The following ACTR3C variants were observed in gnomAD, a reference collection of about 807,000 sequenced individuals.
The protein encoded by ACTR3C is actin-related protein 3C.
ACTR3C carries 18 observed loss-of-function variants against 26.3 expected under a neutral mutation model. The ratio of observed to expected loss-of-function variants is 0.68; its 90% CI spans 0.47 to 1.01. The LOEUF (loss-of-function observed/expected upper bound fraction) is 1.01, where lower values mean the gene tolerates loss of function less well. ACTR3C is among the 50% of genes least tolerant of loss of function. The pLI, the probability that ACTR3C is intolerant of heterozygous loss-of-function variation, is 0.00. For synonymous variants in ACTR3C, 55 were observed against 94.5 expected (o/e 0.58, Z 2.42); for missense variants, 184 against 250.7 (o/e 0.73, Z 1.80).
chr7:150,240,276 G>C (rs867147356), downstream of ACTR3C, among the ~76,000 whole-genome samples: 1 of 152,150 alleles, frequency 6.6e-6, no homozygotes, highest in South Asian at 2.1e-4. Context: ...AAACATCACT[G>C]CTATCTTGTT....
the ACTR3C span, among the ~76,000 whole-genome samples, chr7:150,198,932 G>A: frequency 6.9e-6 from 1 of 144,036 alleles, no homozygotes; most frequent in Non-Finnish European, 1.5e-5. Flanking sequence ...GAGGGAGGTG[G>A]GGGGGTCAGC....
the ACTR3C span, among the ~76,000 whole-genome samples, chr7:149,905,999 A>G: frequency 2.0e-5 from 3 of 152,230 alleles, no homozygotes; most frequent in Admixed American, 6.5e-5. Flanking sequence ...ACCATTTTAT[A>G]TAACAGAGAA....
chr7:150,301,789 G>A (rs899301454), intron 1 of ACTR3C, among the ~76,000 whole-genome samples: 5 of 151,318 alleles, frequency 3.3e-5, no homozygotes, highest in African/African-American at 1.2e-4. Flanking sequence ...AATACTATAT[G>A]ATTCCATTTA....
At chr7:150,194,213 C>T in the ACTR3C span, among the ~76,000 whole-genome samples, 43 of 147,334 alleles carry the variant, frequency 2.9e-4, 1 homozygote, top group African/African-American at 1.1e-3. Flanking sequence ...CTATTTGCTT[C>T]TGATAATTTT....
At chr7:150,140,322 T>A in the ACTR3C span, among the ~76,000 whole-genome samples, 1 of 152,208 alleles carries the variant, frequency 6.6e-6, no homozygotes, top group Non-Finnish European at 1.5e-5. Context: ...ATGTGACCAA[T>A]GTGTTTTTGT....
At chr7:150,051,132 C>A in the ACTR3C span, among the ~76,000 whole-genome samples, 1 of 146,008 alleles carries the variant, frequency 6.8e-6, no homozygotes, top group Admixed American at 7.0e-5. Context: ...ATGTTCTATA[C>A]CTCGTGTGTA....
the ACTR3C span, among the ~76,000 whole-genome samples, chr7:149,895,595 G>C: frequency 1.3e-4 from 19 of 151,986 alleles, no homozygotes; most frequent in African/African-American, 4.6e-4. Context: ...AGAGACTCAC[G>C]AGGCTAAGGC....
At chr7:149,902,950 AAAG>A in the ACTR3C span, among the ~76,000 whole-genome samples, 1 of 26,720 alleles carries the variant, frequency 3.7e-5, no homozygotes, top group African/African-American at 5.3e-5. Context: ...AAAAAAAAAA[AAAG>A]AAAGAAAGAG....
the ACTR3C span, among the ~76,000 whole-genome samples, chr7:149,946,789 C>T: frequency 6.6e-6 from 1 of 152,178 alleles, no homozygotes; most frequent in Non-Finnish European, 1.5e-5. Context: ...AAGGTGACAT[C>T]ATAATAAGGC....
At chr7:150,189,915 A>G in the ACTR3C span, among the ~76,000 whole-genome samples, 3 of 145,498 alleles carry the variant, frequency 2.1e-5, no homozygotes, top group Admixed American at 7.0e-5. Context: ...TTGAGTAAAT[A>G]CCCAGGGACG....
At chr7:150,010,555 G>A in the ACTR3C span, among the ~76,000 whole-genome samples, 3,185 of 152,052 alleles carry the variant, frequency 0.021, 223 homozygotes, top group East Asian at 0.24. Context: ...TTAGCCGGGC[G>A]TGGTGATGGG....
chr7:149,973,678 T>G, the ACTR3C span, among the ~76,000 whole-genome samples: 4 of 152,086 alleles, frequency 2.6e-5, no homozygotes, highest in East Asian at 7.7e-4. Context: ...CAATTCGGTC[T>G]GCGGGAGTTC....
chr7:150,190,504 T>G, the ACTR3C span, among the ~76,000 whole-genome samples: 2 of 152,220 alleles, frequency 1.3e-5, no homozygotes, highest in Non-Finnish European at 2.9e-5. Flanking sequence ...AGATTAAATT[T>G]ACACGTGAGT....
At chr7:150,019,514 C>T in the ACTR3C span, among the ~76,000 whole-genome samples, 73 of 150,632 alleles carry the variant, frequency 4.8e-4, 5 homozygotes, top group African/African-American at 1.2e-3. Context: ...ATTGCTTGAA[C>T]CCGGGAGGCA....
At chr7:150,037,811 G>C in the ACTR3C span, among the ~76,000 whole-genome samples, 186 of 53,590 alleles carry the variant, frequency 3.5e-3, no homozygotes, top group South Asian at 0.018. Context: ...AGCGGGGGAA[G>C]AGGGACTGGC....
the ACTR3C span, among the ~76,000 whole-genome samples, chr7:149,978,530 A>T: frequency 6.6e-6 from 1 of 151,878 alleles, no homozygotes; most frequent in Non-Finnish European, 1.5e-5. Context: ...AAAAGCTAAT[A>T]TGTTGTCATG....
chr7:150,257,110 A>C (rs1053966744), intron 6 of ACTR3C, among the ~76,000 whole-genome samples: 5 of 152,270 alleles, frequency 3.3e-5, no homozygotes, highest in African/African-American at 1.2e-4. Flanking sequence ...GTACTAAAAC[A>C]AAATGAGTAT....
the ACTR3C span, among the ~76,000 whole-genome samples, chr7:150,159,830 G>A: frequency 2.6e-5 from 4 of 151,880 alleles, no homozygotes; most frequent in African/African-American, 9.7e-5. Context: ...ATGGAGTCTC[G>A]CTCTGTGGCC....
the ACTR3C span, among the ~76,000 whole-genome samples, chr7:150,059,121 C>T: frequency 6.6e-6 from 1 of 152,184 alleles, no homozygotes; most frequent in African/African-American, 2.4e-5. Context: ...TACTGCACAC[C>T]TGGTTCTTCC....
Sources: gnomAD v4.1 joint callset for allele counts (sites outside exome capture counted in the v4.1 genomes callset) on GRCh38, gnomAD v4.1.1 for gene constraint, MANE v1.5 for transcripts, NCBI Gene and HGNC (gene_info 2026-07-23, HGNC 2026-07-21) for gene names.